Variants in FAM234B observed in about 807,000 individuals in gnomAD.
FAM234B encodes the protein family with sequence similarity 234 member B, also known as protein FAM234B.
A neutral mutation model predicts 69.3 loss-of-function variants in FAM234B; 33 were observed. That is an observed-to-expected ratio of 0.48 (90% CI 0.36 to 0.64). The LOEUF (loss-of-function observed/expected upper bound fraction) is 0.64, where lower values mean the gene tolerates loss of function less well. FAM234B is among the 30% of genes least tolerant of loss of function. FAM234B has a pLI of 0.00. For synonymous variants in FAM234B, 306 were observed against 306.9 expected (o/e 1.00, Z 0.03); for missense variants, 697 against 769.7 (o/e 0.91, Z 1.12).
chr12:13,050,625 A>T (rs1489010343), intron 1 of FAM234B, among the ~76,000 whole-genome samples: 4 of 152,192 alleles, frequency 2.6e-5, no homozygotes, highest in African/African-American at 9.7e-5. Context: ...CTGCAGTCAG[A>T]TGCCTGGGTT....
chr12:13,059,874 C>T (rs1864967510), intron 3 of FAM234B, among the ~76,000 whole-genome samples: 1 of 152,166 alleles, frequency 6.6e-6, no homozygotes, highest in Non-Finnish European at 1.5e-5. Flanking sequence ...TGTTTTTAGT[C>T]ATTTGGTATC....
In FAM234B at chr12:13,048,648, TATGTA is replaced by T. The variant is rs1251831879; in HGVS notation, c.37+4209_37+4213del. ...CCTTGATTTTTTTTCCACGGGATCA[TATGTA>T]GCCCGTACAGACTTTGAAGCCAGAC... is the stretch of plus-strand genomic sequence containing the variant. On this transcript the variant is annotated intron_variant, in intron 1 of 12. Coordinates refer to ENST00000197268, the MANE Select transcript of FAM234B (RefSeq NM_020853.2). 4.6e-5 allele frequency among the ~76,000 whole-genome samples: 7 copies of T among 152,232 alleles called. No individual in the cohort carries two copies. The South Asian group carries it at 1.0e-3, about 22-fold the overall frequency.
At chr12:13,046,044 G>A (rs1864807110) in intron 1 of FAM234B, among the ~76,000 whole-genome samples, 1 of 152,172 alleles carries the variant, frequency 6.6e-6, no homozygotes, top group Non-Finnish European at 1.5e-5. Context: ...CTGTTTGGCA[G>A]GCAGCTTGGC....
At chr12:13,074,211 A>G (rs893909229) in intron 10 of FAM234B, among the ~76,000 whole-genome samples, 4 of 152,204 alleles carry the variant, frequency 2.6e-5, no homozygotes, top group African/African-American at 9.6e-5. Flanking sequence ...CATAATCTGC[A>G]TTTCCATGAA....
Position 13,079,925 on chromosome 12 carries a change from G to A in FAM234B, c.1779G>A (p.Gln593=), listed in dbSNP as rs371595542. 2 of 1,614,072 alleles carry A rather than the reference G, an allele frequency of 1.2e-6. No individual in the cohort carries two copies. The highest frequency in any genetic ancestry group is 2.2e-5 in the South Asian group (2 of 91,074). ...CACTAATGGAGGGCCAGATGGCTCA[G>A]CTACAGGAGTCCACCCCCAAAATTG... ...RWALMEGQMA[Q]LQESTPKIGR... The change falls in exon 12 of 13, where the codon CAG becomes CAA. Residue 593 remains glutamine (Q), a synonymous_variant. Transcript: ENST00000197268.
Position 13,054,522 on chromosome 12 carries a change from C to T in FAM234B, c.38-1029C>T, listed in dbSNP as rs972194884. Among the ~76,000 whole-genome samples, 68 of 152,310 alleles carry T rather than the reference C, an allele frequency of 4.5e-4. 1 individual carries two copies. The highest frequency in any genetic ancestry group is 1.5e-3 in the African/African-American group (64 of 41,572). On this transcript the variant is annotated intron_variant, in intron 1 of 12. Coordinates refer to ENST00000197268, the MANE Select transcript of FAM234B (RefSeq NM_020853.2). ...AAGGCCATAGTGACCCAGAGGTAGA[C>T]ACTAGCATTAATAATTATTCTTTTC...
chr12:13,055,077 C>G (rs1054293750), intron 1 of FAM234B, among the ~76,000 whole-genome samples: 7 of 152,140 alleles, frequency 4.6e-5, no homozygotes, highest in African/African-American at 1.7e-4. Flanking sequence ...TGGGAAGCCA[C>G]AGATATTGGG....
rs537061770 is a variant in FAM234B at position 13,062,281 on chromosome 12, G to A, written c.721+518G>A. 5.7e-5 allele frequency: 9 copies of A among 157,450 alleles called. No homozygotes were observed. The South Asian group carries it at 9.6e-4, about 17-fold the overall frequency. 9.8% of individuals were successfully genotyped at this position (157,450 alleles called of 1,614,324 possible). ...AGAATCCTAAGTATATGGCCCATAGGCTTAGTACTGCTGGGCCGTGTGCTC... is the reference window on the plus strand; with the variant it reads ...AGAATCCTAAGTATATGGCCCATAGACTTAGTACTGCTGGGCCGTGTGCTC... On this transcript the variant is annotated intron_variant, in intron 4 of 12. Transcript: ENST00000197268.
rs1159071594 is a variant in FAM234B at position 13,055,842 on chromosome 12, C to T, written c.329C>T (p.Thr110Ile). The T allele has an allele frequency of 6.2e-7, 1 of 1,613,980 alleles. No individual in the cohort carries two copies. The highest frequency in any genetic ancestry group is 8.5e-7 in the Non-Finnish European group (1 of 1,180,016). Residue 110 changes from threonine (T) to isoleucine (I), a missense_variant, in exon 2 of 13, where the codon ACT becomes ATT. This residue lies in a region of FAM234B where 380 missense variants were observed against 447.1 expected (regional missense o/e 0.85). Transcript: ENST00000197268. ...GTGCGCACGTCTGTCTTCCTGCTGA[C>T]TTTGGGGATCTCGATGATCCTGGTG... Reference protein sequence around the residue: ...SYVRTSVFLLTLGISMILVLL... With the variant: ...SYVRTSVFLLILGISMILVLL...
At chr12:13,061,547 T>C in intron 3 of FAM234B, 28 bp from the exon 4 acceptor site, 1 of 1,573,584 alleles carries the variant, frequency 6.4e-7, no homozygotes, top group Non-Finnish European at 8.7e-7. Flanking sequence ...CCTGCTTTCC[T>C]TTTTTTATCT....
chr12:13,061,701 C>G lies in FAM234B; in HGVS notation c.659C>G (p.Ala220Gly), dbSNP rs777027499. 5.6e-6 allele frequency: 9 copies of G among 1,613,982 alleles called. No individual in the cohort carries two copies. The African/African-American group carries it at 1.2e-4, about 22-fold the overall frequency. ...TTGGAGCTGATGCCAGGAAGCTTGG[C>G]TGAAACCATCTGCCTTGTGACAGGG... ...TCLELMPGSL[A>G]ETICLVTGTH... Residue 220 changes from alanine (A) to glycine (G), a missense_variant, in exon 4 of 13, where the codon GCT (alanine) becomes GGT (glycine). Ala to Gly is a moderately conservative substitution (Grantham distance 60). Transcript: ENST00000197268.
Position 13,062,831 on chromosome 12 carries a change from G to A in FAM234B, c.722-14G>A, listed in dbSNP as rs757478897. The A allele has an allele frequency of 6.2e-7, 1 of 1,613,542 alleles. No homozygotes were observed. The highest frequency in any genetic ancestry group is 8.5e-7 in the Non-Finnish European group (1 of 1,179,634). On this transcript the variant is annotated splice_polypyrimidine_tract_variant and intron_variant, in intron 4 of 12. Coordinates refer to ENST00000197268, the MANE Select transcript of FAM234B (RefSeq NM_020853.2). ...GAAGTTGTCATAGTGACCAGCCTAT[G>A]TGTCCTTCCTCAGGGAAAGCCATTT... is the stretch of plus-strand genomic sequence containing the variant.
intron 4 of FAM234B, chr12:13,062,101 A>T: frequency 5.3e-6 from 1 of 187,380 alleles, no homozygotes; most frequent in Non-Finnish European, 1.1e-5. Context: ...CATGGGGGCC[A>T]TGTGTAAATT....
At chr12:13,068,500 T>G (rs545456486) in intron 8 of FAM234B, 53 bp downstream of exon 8, 1 of 1,604,488 alleles carries the variant, frequency 6.2e-7, no homozygotes, top group African/African-American at 1.3e-5. Context: ...TTTCCCATGT[T>G]TAAAAATTGT....
At chr12:13,066,552 T>G (rs929180417) in intron 5 of FAM234B, 88 bp from the exon 6 acceptor site, 1 of 1,407,084 alleles carries the variant, frequency 7.1e-7, no homozygotes, top group African/African-American at 1.5e-5. Flanking sequence ...CCGTGGCTTA[T>G]GAGGAGGCAG....
intron 3 of FAM234B, 21 bp from the exon 4 acceptor site, chr12:13,061,554 A>G (rs1289097894): frequency 6.3e-7 from 1 of 1,577,776 alleles, no homozygotes; most frequent in South Asian, 1.2e-5. Context: ...TCCTTTTTTT[A>G]TCTCTCTTGT....
rs555030843 is a variant in FAM234B at position 13,066,955 on chromosome 12, C to A, written c.1000+168C>A. 3.5e-4 allele frequency: 316 copies of A among 910,376 alleles called. 1 individual carries two copies. In the South Asian group the frequency reaches 5.1e-3, roughly 15 times the overall value. The allele number at this position is 910,376 out of a possible 1,614,324, so 56.4% of individuals were successfully genotyped here. ...CACCGATCACAGGCTATTAACTCTG[C>A]CTTCCCTTGCTGCCTCCTCTGAAGG... On this transcript the variant is annotated intron_variant, in intron 6 of 12. Transcript: ENST00000197268.
At position 13,067,805 on chromosome 12, in the gene FAM234B, C is replaced by T. The variant is rs1345540534; in HGVS notation, c.1143-499C>T. 6.6e-6 allele frequency among the ~76,000 whole-genome samples: 1 copy of T among 152,222 alleles called. No homozygotes were observed. The highest frequency in any genetic ancestry group is 1.5e-5 in the Non-Finnish European group (1 of 68,042). On this transcript the variant is annotated intron_variant, in intron 7 of 12. Transcript: ENST00000197268. The surrounding 1 kb of genome is among the most constrained non-coding windows in gnomAD (Gnocchi z 4.7). The stretch of plus-strand genomic sequence containing the variant: ...TGGCTAATAATTGTTTCATTCTTTC[C>T]TACCAGAAGTTCCAAATCATTTTCT...
At chr12:13,053,695 T>G (rs1193378387) in intron 1 of FAM234B, among the ~76,000 whole-genome samples, 3 of 152,228 alleles carry the variant, frequency 2.0e-5, no homozygotes, top group Non-Finnish European at 4.4e-5. Context: ...ACGTATTGTC[T>G]TGATAAACAT....
Sources: gnomAD v4.1 joint callset for allele counts (sites outside exome capture counted in the v4.1 genomes callset) on GRCh38, gnomAD v4.1.1 for gene constraint, gnomAD v4.1.1 regional missense constraint, Gnocchi (gnomAD v3.1) non-coding constraint, MANE v1.5 for transcripts, NCBI Gene and HGNC (gene_info 2026-07-23, HGNC 2026-07-21) for gene names.